Variants in EXD3 observed in about 807,000 individuals in gnomAD.
EXD3 encodes exonuclease mut-7 homolog.
Under a neutral mutation model 98.0 loss-of-function variants are expected in EXD3, and 92 were observed. That is an observed-to-expected ratio of 0.94 (90% confidence interval 0.79 to 1.12). EXD3 has a LOEUF of 1.12. EXD3 is among the 50% of genes most tolerant of loss of function. The pLI, the probability that EXD3 is intolerant of heterozygous loss-of-function variation, is 0.00. For missense variants in EXD3, 1,222 were observed against 1,191.6 expected (o/e 1.03, Z -0.38); for synonymous variants, 569 against 526.0 (o/e 1.08, Z -1.12).
intron 2 of EXD3, chr9:137,392,966 G>C (rs1414366057): frequency 1.7e-6 from 1 of 593,582 alleles, no homozygotes; most frequent in Non-Finnish European, 3.0e-6. Flanking sequence ...AGGGGGTGCT[G>C]AGGCTGTTCC....
chr9:137,315,156 G>A (rs1043618068), intron 19 of EXD3, among the ~76,000 whole-genome samples: 4 of 152,186 alleles, frequency 2.6e-5, no homozygotes, highest in Non-Finnish European at 5.9e-5. Context: ...CTGGCAGTGG[G>A]TCACCATGCG....
intron 1 of EXD3, among the ~76,000 whole-genome samples, chr9:137,406,953 G>A (rs1417035392): frequency 6.6e-6 from 1 of 152,168 alleles, no homozygotes; most frequent in Non-Finnish European, 1.5e-5. Flanking sequence ...CGAGAGAGGT[G>A]CGGAGCCAAC....
chr9:137,334,445 G>T (rs1469578199), intron 17 of EXD3, among the ~76,000 whole-genome samples: 1 of 152,056 alleles, frequency 6.6e-6, no homozygotes, highest in African/African-American at 2.4e-5. Context: ...TACAATCAAC[G>T]GATCTTTGAC....
At chr9:137,355,656 A>AGGAGAAAG (rs1834701982) in intron 8 of EXD3, among the ~76,000 whole-genome samples, 2 of 77,772 alleles carry the variant, frequency 2.6e-5, no homozygotes, top group African/African-American at 4.5e-5. Context: ...GGAAGGAGGA[A>AGGAGAAAG]GGAGGAAGGA....
rs1351386552 is a variant in EXD3, at chr9:137,351,166, G to A, written c.1385-19C>T. On this transcript the variant is annotated intron_variant, in intron 13 of 21. Coordinates refer to ENST00000340951, the MANE Select transcript of EXD3 (RefSeq NM_017820.5). Reference sequence around the variant, plus strand: ...CCGTAGCCTGTGGGCAGGAACCATCGTGGGAGGGGCGCCTGCAGGCAGGGA... The same window carrying A: ...CCGTAGCCTGTGGGCAGGAACCATCATGGGAGGGGCGCCTGCAGGCAGGGA... The A allele has an allele frequency of 2.0e-5, 31 of 1,557,896 alleles. 1 individual carries two copies. Among genetic ancestry groups the A allele is most frequent in the East Asian group, 4.8e-5 (2 of 41,474 alleles).
At chr9:137,327,422 C>T (rs1393588832) in intron 17 of EXD3, among the ~76,000 whole-genome samples, 10 of 152,088 alleles carry the variant, frequency 6.6e-5, no homozygotes, top group South Asian at 4.1e-4. Context: ...TGTGAGCCAC[C>T]GCGCCCGGCC....
chr9:137,316,741 G>C (rs1831685915), intron 19 of EXD3, among the ~76,000 whole-genome samples: 1 of 152,208 alleles, frequency 6.6e-6, no homozygotes, highest in Non-Finnish European at 1.5e-5. Context: ...GGCTGGGCAG[G>C]GTAGAGCCGC....
chr9:137,367,767 G>A (rs549960917), intron 6 of EXD3, 169 bp downstream of exon 6: 9 of 615,570 alleles, frequency 1.5e-5, no homozygotes, highest in East Asian at 1.2e-4. Flanking sequence ...GTCAGCCCAT[G>A]AGGAGGATGG....
At position 137,306,978 on chromosome 9, in the gene EXD3, G is replaced by A. The variant is rs766166062; in HGVS notation, c.2603C>T (p.Ala868Val). Residue 868 changes from alanine (A) to valine (V), a missense_variant, in exon 22 of 22, where the codon GCC becomes GTC. Physicochemically the swap from Ala to Val is moderately conservative, Grantham distance 64 (BLOSUM62 0). Transcript: ENST00000340951. Reference protein sequence around the residue: ...SAPSPCEPSPAPSPASSPF With the variant: ...SAPSPCEPSPVPSPASSPF Reference sequence around the variant, plus strand: ...GAAGGGACTGCTGGCCGGGCTGGGGGCTGGGCTCGGCTCGCAGGGGCTGGG... The same window carrying A: ...GAAGGGACTGCTGGCCGGGCTGGGGACTGGGCTCGGCTCGCAGGGGCTGGG... 3.8e-6 allele frequency: 6 copies of A among 1,597,258 alleles called. 1 individual carries two copies. In the South Asian group the frequency reaches 6.7e-5, roughly 18 times the overall value.
At chr9:137,384,963 G>A (rs1035590571) in intron 2 of EXD3, among the ~76,000 whole-genome samples, 14 of 152,032 alleles carry the variant, frequency 9.2e-5, no homozygotes, top group African/African-American at 3.1e-4. Context: ...ATGGTGGCGG[G>A]TGCCTGTAGT....
chr9:137,383,663 C>T (rs991083536), intron 2 of EXD3, among the ~76,000 whole-genome samples: 1 of 152,256 alleles, frequency 6.6e-6, no homozygotes, highest in African/African-American at 2.4e-5. Context: ...CATCTTTCAG[C>T]TGCAGGTGCA....
rs201647114 is a variant in EXD3, at chr9:137,352,251, A to G, written c.1038-50T>C. On this transcript the variant is annotated intron_variant, in intron 11 of 21. Transcript: ENST00000340951. Reference sequence around the variant, plus strand: ...CCCCCATGTCCCTGGTCCCCCACCCACTCTGACCTCGGAGCAGGAGGGGAG... The same window carrying G: ...CCCCCATGTCCCTGGTCCCCCACCCGCTCTGACCTCGGAGCAGGAGGGGAG... 2.5e-6 allele frequency: 4 copies of G among 1,607,212 alleles called. No individual in the cohort carries two copies. In the African/African-American group the frequency reaches 5.3e-5, roughly 21 times the overall value.
At position 137,395,513 on chromosome 9, in the gene EXD3, G is replaced by A. The variant is rs1837170685; in HGVS notation, c.-47-109C>T. Reference sequence around the variant, plus strand: ...GGTGGAGGGAGCTGGTGCCTGGGGGGGCCCAAGTGGGACCCCCAGTCGCTG... The same window carrying A: ...GGTGGAGGGAGCTGGTGCCTGGGGGAGCCCAAGTGGGACCCCCAGTCGCTG... On this transcript the variant is annotated intron_variant, in intron 1 of 21. Coordinates refer to ENST00000340951, the MANE Select transcript of EXD3 (RefSeq NM_017820.5). This position sits in a 1 kb window ranked among gnomAD's most constrained non-coding sequence, Gnocchi z 6.5. The A allele has an allele frequency of 3.0e-6, 3 of 1,005,792 alleles. No individual in the cohort carries two copies. The highest frequency in any genetic ancestry group is 1.6e-5 in the South Asian group (1 of 64,244). 62.3% of individuals were successfully genotyped at this position (1,005,792 alleles called of 1,614,324 possible).
intron 17 of EXD3, among the ~76,000 whole-genome samples, chr9:137,332,557 G>A (rs1469839737): frequency 8.0e-6 from 1 of 125,362 alleles, no homozygotes; most frequent in African/African-American, 3.0e-5. Context: ...AGGGTACATG[G>A]TATTGGCCAG....
At chr9:137,376,581 G>A (rs1241715972) in intron 3 of EXD3, among the ~76,000 whole-genome samples, 1 of 151,914 alleles carries the variant, frequency 6.6e-6, no homozygotes, top group East Asian at 1.9e-4. Context: ...TCAACTTCCA[G>A]GTAGATAAGG....
At chr9:137,415,798 C>A (rs1270852666) in intron 1 of EXD3, among the ~76,000 whole-genome samples, 1 of 152,190 alleles carries the variant, frequency 6.6e-6, no homozygotes, top group Admixed American at 6.5e-5. Flanking sequence ...GAATGATAAA[C>A]AGCATTTAAA....
At chr9:137,312,545 C>T (rs990851876) in intron 19 of EXD3, among the ~76,000 whole-genome samples, 1 of 152,166 alleles carries the variant, frequency 6.6e-6, no homozygotes, top group Non-Finnish European at 1.5e-5. Flanking sequence ...GGCCCATGGA[C>T]CCACAGCCAA....
chr9:137,340,587 A>G (rs1052319579), intron 17 of EXD3, among the ~76,000 whole-genome samples: 2 of 151,942 alleles, frequency 1.3e-5, no homozygotes, highest in Admixed American at 6.6e-5. Context: ...GTGCAGTGGC[A>G]TGATCATGGC....
intron 17 of EXD3, among the ~76,000 whole-genome samples, chr9:137,339,254 C>G (rs7851252): frequency 0.16 from 24,763 of 151,844 alleles, 3,162 homozygotes; most frequent in African/African-American, 0.33. Context: ...AAACATTACT[C>G]AGTTGCAGAA....
Sources: allele counts gnomAD v4.1 joint callset (sites outside exome capture counted in the v4.1 genomes callset), GRCh38; gene constraint gnomAD v4.1.1; non-coding constraint Gnocchi (gnomAD v3.1); transcripts MANE v1.5; gene names NCBI Gene and HGNC (gene_info 2026-07-23, HGNC 2026-07-21).